The following SETD5 variants were observed in gnomAD, a reference collection of about 807,000 sequenced individuals.
SETD5 encodes the protein SET domain containing 5.
SETD5 carries 44 observed loss-of-function variants against 153.3 expected under a neutral mutation model. The ratio of observed to expected loss-of-function variants is 0.29; its 90% CI spans 0.23 to 0.37. SETD5 has a LOEUF of 0.37. Ranked by LOEUF, SETD5 falls within the 10% of genes least tolerant of loss-of-function variation. The pLI is 1.00. For synonymous variants in SETD5, 716 were observed against 645.2 expected, an observed-to-expected ratio of 1.11 and a Z score of -1.66; for missense variants, 1,544 against 1,768.0, an observed-to-expected ratio of 0.87 and a Z score of 2.27.
intron 13 of SETD5, among the ~76,000 whole-genome samples, chr3:9,446,060 G>A (rs1359266295): frequency 1.3e-5 from 2 of 149,222 alleles, no homozygotes; most frequent in East Asian, 3.9e-4. Flanking sequence ...GGGCGAGGTG[G>A]GCGGATCACG....
chr3:9,441,886 A>G, intron 9 of SETD5, 145 bp downstream of exon 9: 1 of 1,021,562 alleles, frequency 9.8e-7, no homozygotes, highest in Non-Finnish European at 1.5e-6. Flanking sequence ...CTATTTGTAG[A>G]GAAGTGCAAG....
rs1386749325 is a variant in SETD5 at position 9,447,257 on chromosome 3, A to G, written c.1732A>G (p.Ser578Gly). 3 of 1,614,036 alleles carry G rather than the reference A, an allele frequency of 1.9e-6. No homozygotes were observed. The highest frequency in any genetic ancestry group is 4.5e-5 in the East Asian group (2 of 44,886). The change falls in exon 14 of 23, where the codon AGC becomes GGC. Residue 578 changes from serine to glycine, a missense_variant. This residue lies in a region of SETD5 where 782 missense variants were observed against 787.2 expected (regional missense o/e 0.99). Coordinates refer to ENST00000402198, the MANE Select transcript of SETD5 (RefSeq NM_001080517.3). ...SNSVSNVTIP[S>G]TPQSVGVNTR... ...CTCTGTTTCAAATGTTACCATCCCA[A>G]GCACCCCACAGAGTGTTGGTGTGAA...
Position 9,445,740 on chromosome 3 carries a change from G to T in SETD5, c.1524G>T (p.Arg508Ser). ...DDQENLAHSR[R>S]TREDRKVEAI... ...AGGAGAACCTAGCTCATAGCAGGAG[G>T]GTGAGTACTGTCTGACATTACTTTG... Residue 508 changes from arginine to serine, a missense_variant and splice_region_variant, in exon 13 of 23, where the codon AGG becomes AGT. This residue lies in a region of SETD5 where 782 missense variants were observed against 787.2 expected (regional missense o/e 0.99). Coordinates refer to ENST00000402198, the MANE Select transcript of SETD5 (RefSeq NM_001080517.3). 6.2e-7 allele frequency: 1 copy of T among 1,605,976 alleles called. No homozygotes were observed. The highest frequency in any genetic ancestry group is 8.5e-7 in the Non-Finnish European group (1 of 1,176,204).
intron 3 of SETD5, chr3:9,429,980 A>G (rs767310695): frequency 1.0e-5 from 13 of 1,261,984 alleles, no homozygotes; most frequent in African/African-American, 1.6e-5. Context: ...TCTGGGCTGG[A>G]AAAATCCTGG....
intron 1 of SETD5, among the ~76,000 whole-genome samples, chr3:9,419,369 T>C (rs1025900924): frequency 6.6e-6 from 1 of 152,200 alleles, no homozygotes; most frequent in Non-Finnish European, 1.5e-5. Flanking sequence ...AGGAATTTTA[T>C]CTGGACCTAA....
chr3:9,451,503 G>A (rs1374138702), intron 16 of SETD5, among the ~76,000 whole-genome samples: 1 of 152,160 alleles, frequency 6.6e-6, no homozygotes, highest in African/African-American at 2.4e-5. Context: ...CTGGAGTGCA[G>A]TGGCATCATC....
chr3:9,435,653 A>G, intron 6 of SETD5, 75 bp from the exon 7 acceptor site: 2 of 1,358,272 alleles, frequency 1.5e-6, no homozygotes, highest in South Asian at 1.7e-5. Flanking sequence ...TGTGGGGCAC[A>G]CCTAAAAGAA....
chr3:9,452,292 C>A (rs919868037), intron 16 of SETD5, among the ~76,000 whole-genome samples: 1 of 152,220 alleles, frequency 6.6e-6, no homozygotes, highest in East Asian at 1.9e-4. Flanking sequence ...AAAAGAAAAA[C>A]TTAAAGGTGG....
intron 1 of SETD5, among the ~76,000 whole-genome samples, chr3:9,423,766 A>G (rs2038762292): frequency 6.6e-6 from 1 of 152,126 alleles, no homozygotes; most frequent in African/African-American, 2.4e-5. Context: ...CATGTTTATG[A>G]TATGTTAATC....
chr3:9,458,129 G>T (rs542852826), intron 17 of SETD5, among the ~76,000 whole-genome samples: 2 of 151,994 alleles, frequency 1.3e-5, no homozygotes, highest in African/African-American at 4.8e-5. Context: ...GATTGAAAAA[G>T]AATTAGAATC....
At chr3:9,409,996 T>G (rs1384275090) in intron 1 of SETD5, among the ~76,000 whole-genome samples, 3 of 152,230 alleles carry the variant, frequency 2.0e-5, no homozygotes, top group Admixed American at 2.0e-4. Flanking sequence ...TTTTTGCCCT[T>G]AGGGTATATC....
chr3:9,423,526 TTTTC>T (rs1290774396), intron 1 of SETD5, among the ~76,000 whole-genome samples: 2 of 152,224 alleles, frequency 1.3e-5, no homozygotes, highest in South Asian at 2.1e-4. Context: ...CCTTTCCTTT[TTTTC>T]TTTCTTATTT....
At chr3:9,444,268 C>T (rs2125224997) in intron 11 of SETD5, among the ~76,000 whole-genome samples, 1 of 152,160 alleles carries the variant, frequency 6.6e-6, no homozygotes, top group South Asian at 2.1e-4. Flanking sequence ...GTTCTTTGGT[C>T]ATTTGGGGCA....
chr3:9,402,736 A>G (rs984231092), intron 1 of SETD5, among the ~76,000 whole-genome samples: 1 of 152,200 alleles, frequency 6.6e-6, no homozygotes. Flanking sequence ...ATGAATCACA[A>G]AAAGCGGTAG....
In SETD5 at chr3:9,431,677, C is replaced by T. The variant is rs1043295097; in HGVS notation, c.72-2168C>T. On this transcript the variant is annotated intron_variant, in intron 3 of 22. Coordinates refer to ENST00000402198, the MANE Select transcript of SETD5 (RefSeq NM_001080517.3). ...GTGCAGTGTGATGGCCTTTTAACCT[C>T]CACAATATACATTTTATTTTTATTC... 4.1e-6 allele frequency: 4 copies of T among 985,586 alleles called. No homozygotes were observed. The African/African-American group carries it at 7.0e-5, about 17-fold the overall frequency. The allele number at this position is 985,586 out of a possible 1,614,324, so 61.1% of individuals were successfully genotyped here.
chr3:9,460,990 A>G (rs2043891267), intron 17 of SETD5, among the ~76,000 whole-genome samples: 1 of 152,214 alleles, frequency 6.6e-6, no homozygotes, highest in South Asian at 2.1e-4. Context: ...AACAAAACAT[A>G]TAGCAGAGAC....
chr3:9,406,876 A>C (rs2035786335), intron 1 of SETD5, among the ~76,000 whole-genome samples: 1 of 152,240 alleles, frequency 6.6e-6, no homozygotes, highest in South Asian at 2.1e-4. Context: ...TTTACCCAAT[A>C]TTTAGAAACC....
intron 3 of SETD5, chr3:9,430,181 T>G: frequency 9.9e-7 from 1 of 1,011,688 alleles, no homozygotes; most frequent in Non-Finnish European, 1.2e-6. Context: ...TAATAAGTGG[T>G]TTTCTTCCTT....
chr3:9,437,282 T>A (rs1469452563), intron 7 of SETD5, among the ~76,000 whole-genome samples: 1 of 152,182 alleles, frequency 6.6e-6, no homozygotes, highest in Admixed American at 6.5e-5. Context: ...TGCAGGACGC[T>A]TGTATTATTG....
Sources: gnomAD v4.1 joint callset for allele counts (sites outside exome capture counted in the v4.1 genomes callset) on GRCh38, gnomAD v4.1.1 for gene constraint, gnomAD v4.1.1 regional missense constraint, MANE v1.5 for transcripts, NCBI Gene and HGNC (gene_info 2026-07-23, HGNC 2026-07-21) for gene names.